Variants in IGSF11 observed in about 807,000 individuals in gnomAD.
IGSF11 encodes the protein CXADR like 1.
Under a neutral mutation model 41.0 loss-of-function variants are expected in IGSF11, and 22 were observed. That is an observed-to-expected ratio of 0.54 (90% CI 0.38 to 0.77). The LOEUF (loss-of-function observed/expected upper bound fraction) is 0.77. IGSF11 is among the 30% of genes least tolerant of loss of function. The pLI, the probability that IGSF11 is intolerant of heterozygous loss-of-function variation, is 0.00. For synonymous variants in IGSF11, 219 were observed against 201.3 expected (o/e 1.09, Z -0.74); for missense variants, 444 against 530.8 (o/e 0.84, Z 1.61).
At chr3:119,066,278 C>T (rs547052543) in intron 1 of IGSF11, among the ~76,000 whole-genome samples, 1 of 152,126 alleles carries the variant, frequency 6.6e-6, no homozygotes, top group South Asian at 2.1e-4. Flanking sequence ...ATGGACATAT[C>T]TTTTTGGGTG....
chr3:118,958,468 T>C (rs1030409774), intron 1 of IGSF11, among the ~76,000 whole-genome samples: 1 of 152,232 alleles, frequency 6.6e-6, no homozygotes. Flanking sequence ...ATGAGGACTA[T>C]GGCCAGGAAT....
At chr3:118,947,009 A>C (rs1167550134) in intron 1 of IGSF11, 1 of 152,198 alleles carries the variant, frequency 6.6e-6, no homozygotes, top group African/African-American at 2.4e-5. Flanking sequence ...AATAATTTTT[A>C]AAATTATTCT....
At chr3:119,005,032 C>G (rs1302529426) in intron 1 of IGSF11, among the ~76,000 whole-genome samples, 1 of 148,598 alleles carries the variant, frequency 6.7e-6, no homozygotes, top group African/African-American at 2.5e-5. Context: ...GACTTCCTGT[C>G]TCGTTGATCT....
intron 1 of IGSF11, among the ~76,000 whole-genome samples, chr3:119,089,492 A>G (rs147618978): frequency 7.2e-4 from 109 of 152,304 alleles, no homozygotes; most frequent in Non-Finnish European, 1.1e-3. Context: ...GGCAAAAGCT[A>G]GAAGCATTCT....
intron 1 of IGSF11, among the ~76,000 whole-genome samples, chr3:119,076,156 G>A (rs1329711880): frequency 6.6e-6 from 1 of 152,172 alleles, no homozygotes; most frequent in African/African-American, 2.4e-5. Flanking sequence ...AACAAGAAAT[G>A]GGGAAAGGAT....
intron 1 of IGSF11, among the ~76,000 whole-genome samples, chr3:119,139,431 CCCGGTGGGA>C (rs2077609297): frequency 6.6e-6 from 1 of 152,162 alleles, no homozygotes; most frequent in Non-Finnish European, 1.5e-5. Flanking sequence ...GTAGGAGGTA[CCCGGTGGGA>C]AATAATTGAA....
chr3:118,935,137 G>T (rs986457371), intron 1 of IGSF11, among the ~76,000 whole-genome samples: 4 of 150,924 alleles, frequency 2.7e-5, no homozygotes, highest in Non-Finnish European at 4.4e-5. Context: ...ATACTGTATG[G>T]TCTAAGAAAG....
At chr3:118,936,679 T>C (rs1356763649) in intron 1 of IGSF11, among the ~76,000 whole-genome samples, 2 of 152,122 alleles carry the variant, frequency 1.3e-5, no homozygotes, top group African/African-American at 4.8e-5. Context: ...AAAAAGGATA[T>C]AAAGTGCATG....
At chr3:118,948,580 T>C (rs1363725524) in intron 1 of IGSF11, among the ~76,000 whole-genome samples, 1 of 152,114 alleles carries the variant, frequency 6.6e-6, no homozygotes, top group Non-Finnish European at 1.5e-5. Context: ...TTGGATGTCA[T>C]AGTAAATACA....
intron 1 of IGSF11, among the ~76,000 whole-genome samples, chr3:119,025,204 T>C (rs1349316165): frequency 6.6e-6 from 1 of 152,148 alleles, no homozygotes; most frequent in Non-Finnish European, 1.5e-5. Flanking sequence ...AGCCACATAA[T>C]TTCTCCACTT....
intron 1 of IGSF11, among the ~76,000 whole-genome samples, chr3:119,138,493 T>C (rs1288161068): frequency 6.6e-6 from 1 of 152,232 alleles, no homozygotes; most frequent in Admixed American, 6.5e-5. Context: ...GAGACCAGCC[T>C]GGCCAACATG....
At chr3:118,955,293 A>T (rs1394375327) in intron 1 of IGSF11, among the ~76,000 whole-genome samples, 14 of 152,006 alleles carry the variant, frequency 9.2e-5, no homozygotes, top group Non-Finnish European at 1.5e-5. Context: ...AGCCATATAA[A>T]GGAATGAAAT....
intron 1 of IGSF11, among the ~76,000 whole-genome samples, chr3:119,055,484 C>A (rs1326555774): frequency 6.6e-6 from 1 of 152,108 alleles, no homozygotes; most frequent in African/African-American, 2.4e-5. Flanking sequence ...TCCTTAGTGA[C>A]CTACAAAGAG....
At chr3:119,084,547 G>A (rs2076639184) in intron 1 of IGSF11, among the ~76,000 whole-genome samples, 1 of 152,148 alleles carries the variant, frequency 6.6e-6, no homozygotes, top group Non-Finnish European at 1.5e-5. Context: ...CCCCACTGCA[G>A]GCTGCCCATC....
intron 1 of IGSF11, among the ~76,000 whole-genome samples, chr3:119,055,542 G>A (rs1196065419): frequency 1.3e-5 from 2 of 152,156 alleles, no homozygotes; most frequent in African/African-American, 4.8e-5. Flanking sequence ...ACAACCCACT[G>A]TCAACATTAG....
intron 1 of IGSF11, among the ~76,000 whole-genome samples, chr3:118,987,143 T>C (rs1935335286): frequency 6.6e-6 from 1 of 152,228 alleles, no homozygotes; most frequent in African/African-American, 2.4e-5. Context: ...CTAACCTTCC[T>C]AATGGTGCTT....
At chr3:119,003,714 A>G (rs924020520) in intron 1 of IGSF11, among the ~76,000 whole-genome samples, 13 of 151,818 alleles carry the variant, frequency 8.6e-5, no homozygotes, top group African/African-American at 2.4e-4. Context: ...GCATCTATTG[A>G]GATAATCATG....
At chr3:119,005,184 C>T (rs984338833) in intron 1 of IGSF11, among the ~76,000 whole-genome samples, 3 of 145,088 alleles carry the variant, frequency 2.1e-5, no homozygotes, top group East Asian at 2.0e-4. Flanking sequence ...TAGTTAGCTC[C>T]TCTTGTTGAA....
At position 118,925,711 on chromosome 3, in the gene IGSF11, G is replaced by C. The variant is rs1017474596; in HGVS notation, c.580+390C>G. Among the ~76,000 whole-genome samples the C allele has an allele frequency of 3.3e-5, 5 of 152,192 alleles. 1 individual carries two copies. Among genetic ancestry groups the C allele is most frequent in the East Asian group, 1.9e-4 (1 of 5,164 alleles). On this transcript the variant is annotated intron_variant, in intron 4 of 6. Transcript: ENST00000393775. ...CCAGATTTGAGGCTGAAAGCAGGAG[G>C]ATCAACCCTCCTGACACTATGCTCA...
Sources: gnomAD v4.1 joint callset for allele counts (sites outside exome capture counted in the v4.1 genomes callset) on GRCh38, gnomAD v4.1.1 for gene constraint, MANE v1.5 for transcripts, NCBI Gene and HGNC (gene_info 2026-07-23, HGNC 2026-07-21) for gene names.